ZNF879: variants seen among roughly 807,000 people sequenced by gnomAD.
ZNF879 encodes the protein zinc finger protein 879.
ZNF879 carries 32 observed loss-of-function variants against 44.3 expected under a neutral mutation model. That is an observed-to-expected ratio of 0.72 (90% CI 0.54 to 0.97). The LOEUF is 0.97. ZNF879 is among the 50% of genes least tolerant of loss of function. ZNF879 has a pLI of 0.00. For missense variants in ZNF879, 621 were observed against 669.7 expected, an observed-to-expected ratio of 0.93 and a Z score of 0.80; for synonymous variants, 234 against 233.2, an observed-to-expected ratio of 1.00 and a Z score of -0.03.
chr5:179,027,904 G>A lies in ZNF879; in HGVS notation c.161-128G>A, dbSNP rs1032408201. ...GGGACCATCTCCTGGTTGTCCTCTAGGAGCCCAGTTTGAAGCCTCTCAGAA... is the reference window on the plus strand; with the variant it reads ...GGGACCATCTCCTGGTTGTCCTCTAAGAGCCCAGTTTGAAGCCTCTCAGAA... On this transcript the variant is annotated intron_variant, in intron 3 of 4. Transcript: ENST00000444149. 17 of 839,814 alleles carry A rather than the reference G, an allele frequency of 2.0e-5. No homozygotes were observed. The Admixed American group carries it at 2.1e-4, about 11-fold the overall frequency. The allele number at this position is 839,814 out of a possible 1,614,324, so 52.0% of individuals were successfully genotyped here. A position where few individuals can be genotyped will look rare whatever the true frequency, so the allele number is the denominator to read the frequency against.
intron 4 of ZNF879, among the ~76,000 whole-genome samples, chr5:179,029,106 T>G (rs1317387041): frequency 6.6e-6 from 1 of 151,840 alleles, no homozygotes; most frequent in Non-Finnish European, 1.5e-5. Flanking sequence ...ATCTGTTTTT[T>G]TTTTTTTTTT....
At chr5:179,026,544 G>A (rs1761275779) in intron 2 of ZNF879, among the ~76,000 whole-genome samples, 1 of 152,114 alleles carries the variant, frequency 6.6e-6, no homozygotes, top group Non-Finnish European at 1.5e-5. Context: ...GTGCAGTAGT[G>A]TGATCACACG....
chr5:179,027,986 CGCCTGCTACGATG>C (rs1561734207), intron 3 of ZNF879, 33 bp from the exon 4 acceptor site: 1 of 1,521,650 alleles, frequency 6.6e-7, no homozygotes, highest in Non-Finnish European at 8.9e-7. Context: ...GGGCTGGACC[CGCCTGCTACGATG>C]GCCGCTCACG....
intron 2 of ZNF879, among the ~76,000 whole-genome samples, chr5:179,026,758 G>A (rs542278701): frequency 6.6e-6 from 1 of 152,334 alleles, no homozygotes; most frequent in South Asian, 2.1e-4. Context: ...CAAAGTGCTG[G>A]GATTATAGGC....
In ZNF879 at chr5:179,033,166, G is replaced by A. The variant is rs1479876447; in HGVS notation, c.1218G>A (p.Gly406=). The part of the protein sequence containing the change: ...GEKPYACKEC[G]KAFSQSSALI... Reference sequence around the variant, plus strand: ...AACCATATGCATGCAAAGAATGTGGGAAAGCCTTCAGCCAAAGCTCAGCTC... The same window carrying A: ...AACCATATGCATGCAAAGAATGTGGAAAAGCCTTCAGCCAAAGCTCAGCTC... Residue 406 remains glycine (G), a synonymous_variant, in exon 5 of 5, where the codon GGG becomes GGA. Coordinates refer to ENST00000444149, the MANE Select transcript of ZNF879 (RefSeq NM_001136116.3). The A allele has an allele frequency of 6.3e-7, 1 of 1,592,766 alleles. No individual in the cohort carries two copies. Among genetic ancestry groups the A allele is most frequent in the South Asian group, 1.1e-5 (1 of 88,444 alleles).
chr5:179,027,423 C>T (rs1310904177), intron 2 of ZNF879, 50 bp from the exon 3 acceptor site: 3 of 1,605,328 alleles, frequency 1.9e-6, no homozygotes, highest in South Asian at 2.2e-5. Flanking sequence ...TCTCAGTCTT[C>T]TCGTTGTGGG....
rs1761228240 is a variant in ZNF879, at chr5:179,025,133, A to G, written c.33+96A>G. 6 of 1,411,186 alleles carry G rather than the reference A, an allele frequency of 4.3e-6. No homozygotes were observed. The South Asian group carries it at 7.4e-5, about 17-fold the overall frequency. 87.4% of individuals were successfully genotyped at this position (1,411,186 alleles called of 1,614,324 possible). A position where few individuals can be genotyped will look rare whatever the true frequency, so the allele number is the denominator to read the frequency against. ...TGAGCTTCTCTACCCAGTGAAGCTCAGGGAAGGACCAGAGGGCTTGGTAGC... is the reference window on the plus strand; with the variant it reads ...TGAGCTTCTCTACCCAGTGAAGCTCGGGGAAGGACCAGAGGGCTTGGTAGC... On this transcript the variant is annotated intron_variant, in intron 2 of 4. Coordinates refer to ENST00000444149, the MANE Select transcript of ZNF879 (RefSeq NM_001136116.3).
intron 4 of ZNF879, 62 bp downstream of exon 4, chr5:179,028,189 GAGGCTGCGCTCA>G: frequency 1.4e-6 from 2 of 1,462,010 alleles, no homozygotes; most frequent in Non-Finnish European, 1.9e-6. Flanking sequence ...GCACAGCGAG[GAGGCTGCGCTCA>G]AGGGTCTCCT....
At chr5:179,024,902 G>A in intron 1 of ZNF879, 68 bp from the exon 2 acceptor site, 1 of 1,270,014 alleles carries the variant, frequency 7.9e-7, no homozygotes, top group Admixed American at 2.0e-5. Flanking sequence ...TTCTAACCTG[G>A]TCTGGCCTAA....
At position 179,032,599 on chromosome 5, in the gene ZNF879, C is replaced by T. The variant is rs765186196; in HGVS notation, c.651C>T (p.Ser217=). ...GTGGGAAAATCTTCCTCCACAGTTC[C>T]TCCCTGAGTAAACACCAGAGAATCC... ...NICGKIFLHS[S]SLSKHQRIHT... The change falls in exon 5 of 5, where the codon TCC becomes TCT. Residue 217 remains serine (S), a synonymous_variant. Coordinates refer to ENST00000444149, the MANE Select transcript of ZNF879 (RefSeq NM_001136116.3). 5.1e-6 allele frequency: 8 copies of T among 1,559,828 alleles called. No individual in the cohort carries two copies. The highest frequency in any genetic ancestry group is 6.9e-6 in the Non-Finnish European group (8 of 1,151,970).
At position 179,032,270 on chromosome 5, in the gene ZNF879, A is replaced by G. The variant is rs1244071691; in HGVS notation, c.322A>G (p.Ile108Val). 3.2e-6 allele frequency: 5 copies of G among 1,539,154 alleles called. No homozygotes were observed. The highest frequency in any genetic ancestry group is 1.4e-5 in the African/African-American group (1 of 72,048). The change falls in exon 5 of 5, where the codon ATA becomes GTA. Residue 108 changes from isoleucine (I) to valine (V), a missense_variant. Coordinates refer to ENST00000444149, the MANE Select transcript of ZNF879 (RefSeq NM_001136116.3). Reference protein sequence around the residue: ...EENQEVMKKLIIDGTFDFKLE... With the variant: ...EENQEVMKKLVIDGTFDFKLE... ...AAATCAGGAAGTCATGAAAAAACTC[A>G]TAATTGATGGCACATTTGACTTCAA... is the stretch of plus-strand genomic sequence containing the variant.
chr5:179,029,872 A>G (rs1561735402), intron 4 of ZNF879, among the ~76,000 whole-genome samples: 3 of 152,214 alleles, frequency 2.0e-5, no homozygotes, highest in Non-Finnish European at 1.5e-5. Context: ...ATAGAGGCCT[A>G]CCTCATTGAG....
chr5:179,030,380 A>G (rs1243728606), intron 4 of ZNF879, among the ~76,000 whole-genome samples: 1 of 152,256 alleles, frequency 6.6e-6, no homozygotes, highest in African/African-American at 2.4e-5. Context: ...TGTTTGTTAT[A>G]ACATGAGGCA....
chr5:179,034,713 T>A lies in ZNF879; in HGVS notation c.*1073T>A, dbSNP rs1761538583. The A allele has an allele frequency of 1.3e-5, 2 of 152,250 alleles. No homozygotes were observed. Among genetic ancestry groups the A allele is most frequent in the South Asian group, 4.1e-4 (2 of 4,832 alleles). The allele number at this position is 152,250 out of a possible 1,614,324, so 9.4% of individuals were successfully genotyped here. A position where few individuals can be genotyped will look rare whatever the true frequency, so the allele number is the denominator to read the frequency against. The stretch of plus-strand genomic sequence containing the variant: ...TGGACTTACACTCTTCAACAAGTGA[T>A]TTAGCTCATTTCAGCATTTCTAAAA... On this transcript the variant is annotated 3_prime_UTR_variant, in exon 5 of 5. Coordinates refer to ENST00000444149, the MANE Select transcript of ZNF879 (RefSeq NM_001136116.3).
chr5:179,024,846 C>T, intron 1 of ZNF879, 124 bp from the exon 2 acceptor site: 3 of 720,302 alleles, frequency 4.2e-6, no homozygotes, highest in Non-Finnish European at 7.0e-6. Context: ...GCCCCTCTGG[C>T]CTGGGCAGTT....
Position 179,033,718 on chromosome 5 carries a change from GTGAT to G in ZNF879, c.*79_*82del. Reference sequence around the variant, plus strand: ...TCAAAAAATTCATTGTGGGGAGAAAGTGATGAAGAGTAGTTAATCATAGGTAAAA... The same window carrying G: ...TCAAAAAATTCATTGTGGGGAGAAAGGAAGAGTAGTTAATCATAGGTAAAA... On this transcript the variant is annotated 3_prime_UTR_variant, in exon 5 of 5. Transcript: ENST00000444149. 2 of 1,081,856 alleles carry G rather than the reference GTGAT, an allele frequency of 1.8e-6. No individual in the cohort carries two copies. The highest frequency in any genetic ancestry group is 2.6e-6 in the Non-Finnish European group (2 of 771,198). 67.0% of individuals were successfully genotyped at this position (1,081,856 alleles called of 1,614,324 possible).
intron 4 of ZNF879, among the ~76,000 whole-genome samples, chr5:179,028,925 C>T (rs1165016371): frequency 6.6e-6 from 1 of 152,142 alleles, no homozygotes; most frequent in African/African-American, 2.4e-5. Flanking sequence ...TTCACTTTTG[C>T]GTTTCCATTC....
rs1196151460 is a variant in ZNF879, at chr5:179,034,456, A to G, written c.*816A>G. On this transcript the variant is annotated 3_prime_UTR_variant, in exon 5 of 5. Transcript: ENST00000444149. Reference sequence around the variant, plus strand: ...ATGTAGCCAATAGCAAGCACAGCTCAGCTCCCAGGGTCTGCCTGCTTCTGT... The same window carrying G: ...ATGTAGCCAATAGCAAGCACAGCTCGGCTCCCAGGGTCTGCCTGCTTCTGT... 6.6e-6 allele frequency: 1 copy of G among 152,266 alleles called. No individual in the cohort carries two copies. The highest frequency in any genetic ancestry group is 1.5e-5 in the Non-Finnish European group (1 of 68,048). The allele number at this position is 152,266 out of a possible 1,614,324, so 9.4% of individuals were successfully genotyped here.
At chr5:179,031,322 T>A (rs549062167) in intron 4 of ZNF879, among the ~76,000 whole-genome samples, 1 of 152,354 alleles carries the variant, frequency 6.6e-6, no homozygotes. Flanking sequence ...TTTCCTCATC[T>A]GTGACACTCT....
Sources: allele counts gnomAD v4.1 joint callset (sites outside exome capture counted in the v4.1 genomes callset), GRCh38; gene constraint gnomAD v4.1.1; transcripts MANE v1.5; gene names NCBI Gene and HGNC (gene_info 2026-07-23, HGNC 2026-07-21).